PCDHGA2: variants seen among roughly 807,000 people sequenced by gnomAD.
PCDHGA2 encodes protocadherin gamma subfamily A, 2.
Under a neutral mutation model 59.2 loss-of-function variants are expected in PCDHGA2, and 40 were observed. That is an observed-to-expected ratio of 0.68 (90% CI 0.52 to 0.88). PCDHGA2 has a LOEUF of 0.88. Ranked by LOEUF, PCDHGA2 falls within the 40% of genes least tolerant of loss-of-function variation. PCDHGA2 has a pLI of 0.00. For synonymous variants in PCDHGA2, 560 were observed against 526.0 expected (o/e 1.06, Z -0.89); for missense variants, 1,226 against 1,204.0 (o/e 1.02, Z -0.27).
intron 1 of PCDHGA2, chr5:141,411,158 A>T (rs1384845652): frequency 6.6e-6 from 1 of 152,212 alleles, no homozygotes; most frequent in Admixed American, 6.5e-5. Context: ...TCAAGTTCTG[A>T]CTATCGAACA....
Position 141,339,474 on chromosome 5 carries a change from A to G in PCDHGA2, c.503A>G (p.Gln168Arg). 6.2e-7 allele frequency: 1 copy of G among 1,614,220 alleles called. No individual in the cohort carries two copies. Among genetic ancestry groups the G allele is most frequent in the Non-Finnish European group, 8.5e-7 (1 of 1,180,034 alleles). The stretch of plus-strand genomic sequence containing the variant: ...GCAGACGTAGGTGAGAACGCCCTTC[A>G]GAAGTACGCACTCAACCCAAATGAC... ...HDADVGENALQKYALNPNDHF... is the reference protein window; with the variant it reads ...HDADVGENALRKYALNPNDHF... Residue 168 changes from glutamine (Q) to arginine (R), a missense_variant, in exon 1 of 4, where the codon CAG becomes CGG. Gln to Arg is a conservative substitution (Grantham distance 43, BLOSUM62 1). Transcript: ENST00000394576.
At chr5:141,436,950 C>A (rs894702404) in intron 1 of PCDHGA2, among the ~76,000 whole-genome samples, 3 of 152,138 alleles carry the variant, frequency 2.0e-5, no homozygotes, top group African/African-American at 7.2e-5. Flanking sequence ...ATAGTGAAAT[C>A]TAAACAAGGA....
intron 1 of PCDHGA2, among the ~76,000 whole-genome samples, chr5:141,447,082 T>A (rs1259827606): frequency 6.6e-6 from 1 of 152,156 alleles, no homozygotes; most frequent in Non-Finnish European, 1.5e-5. Flanking sequence ...ATTTTTGTTG[T>A]TTAATTTTCT....
At chr5:141,504,995 G>A (rs1214858212) in intron 2 of PCDHGA2, among the ~76,000 whole-genome samples, 6 of 151,980 alleles carry the variant, frequency 3.9e-5, no homozygotes, top group African/African-American at 1.5e-4. Context: ...AACCCCGTCT[G>A]TACTAAAAAT....
intron 1 of PCDHGA2, among the ~76,000 whole-genome samples, chr5:141,481,309 T>C (rs577046585): frequency 2.6e-4 from 39 of 152,310 alleles, no homozygotes; most frequent in African/African-American, 9.1e-4. Context: ...GGAAAAACCT[T>C]CCTAAAGCAC....
intron 1 of PCDHGA2, among the ~76,000 whole-genome samples, chr5:141,460,951 G>GTATATA (rs200454978): frequency 7.2e-6 from 1 of 139,722 alleles, no homozygotes; most frequent in African/African-American, 2.8e-5. Flanking sequence ...TATGTATTAT[G>GTATATA]TATATATATA....
chr5:141,490,576 G>T lies in PCDHGA2; in HGVS notation c.2425-4231G>T. On this transcript the variant is annotated intron_variant, in intron 1 of 3. Transcript: ENST00000394576. The surrounding 1 kb of genome is among the most constrained non-coding windows in gnomAD (Gnocchi z 5.4). ...TCTCACCATCAGGCTCAACATTTCA[G>T]ATGTCAATGACAATGCACCCCGCTT... 2.5e-6 allele frequency: 4 copies of T among 1,614,134 alleles called. No homozygotes were observed. The highest frequency in any genetic ancestry group is 3.4e-6 in the Non-Finnish European group (4 of 1,180,030).
At chr5:141,497,553 T>C (rs2099777684) in intron 2 of PCDHGA2, among the ~76,000 whole-genome samples, 1 of 151,326 alleles carries the variant, frequency 6.6e-6, no homozygotes, top group South Asian at 2.1e-4. Context: ...TTTTTTTTTT[T>C]TTTTTAGACA....
At chr5:141,360,759 T>C in intron 1 of PCDHGA2, 1 of 1,613,928 alleles carries the variant, frequency 6.2e-7, no homozygotes, top group Non-Finnish European at 8.5e-7. Context: ...ACAGTTTACA[T>C]CAATTGGTCC....
In PCDHGA2 at chr5:141,431,213, TTCCC is replaced by T. The variant is rs1373533151; in HGVS notation, c.2425-63591_2425-63588del. 1 of 1,614,142 alleles carries T rather than the reference TTCCC, an allele frequency of 6.2e-7. No homozygotes were observed. Among genetic ancestry groups the T allele is most frequent in the Admixed American group, 1.7e-5 (1 of 60,020 alleles). On this transcript the variant is annotated intron_variant, in intron 1 of 3. Transcript: ENST00000394576. This position sits in a 1 kb window ranked among gnomAD's most constrained non-coding sequence, Gnocchi z 4.8. ...TGAAAATGCAGCCACTGAGATGCGGTTCCCTCTACCCCACGCCTGGGATCCGGAT... is the reference window on the plus strand; with the variant it reads ...TGAAAATGCAGCCACTGAGATGCGGTTCTACCCCACGCCTGGGATCCGGAT...
At chr5:141,494,355 G>T (rs910437011) in intron 1 of PCDHGA2, among the ~76,000 whole-genome samples, 4 of 152,234 alleles carry the variant, frequency 2.6e-5, no homozygotes, top group African/African-American at 9.6e-5. Flanking sequence ...CCATCTTGCT[G>T]CAGAGGATGC....
intron 1 of PCDHGA2, chr5:141,382,970 G>A (rs776231859): frequency 1.9e-6 from 3 of 1,609,444 alleles, no homozygotes; most frequent in Non-Finnish European, 2.5e-6. Context: ...GGGACCCCCT[G>A]GGAAGCCTGG....
intron 1 of PCDHGA2, chr5:141,393,009 A>T: frequency 6.2e-7 from 1 of 1,613,898 alleles, no homozygotes. Flanking sequence ...CGGAGTCCGT[A>T]TCGTCTCCAG....
At chr5:141,418,344 T>G (rs746519142) in intron 1 of PCDHGA2, 1 of 1,614,008 alleles carries the variant, frequency 6.2e-7, no homozygotes, top group Non-Finnish European at 8.5e-7. Context: ...GATCCTGATA[T>G]TAGTATGAAT....
Position 141,399,568 on chromosome 5 carries a change from G to A in PCDHGA2, c.2424+58173G>A, listed in dbSNP as rs776963716. ...CTCGGACCTGGACTTGGGGTTGAAC[G>A]GCCAAGTCTCCTACTCTATCATGGC... is the stretch of plus-strand genomic sequence containing the variant. On this transcript the variant is annotated intron_variant, in intron 1 of 3. Transcript: ENST00000394576. The A allele has an allele frequency of 3.1e-6, 5 of 1,613,926 alleles. No individual in the cohort carries two copies. The East Asian group carries it at 8.9e-5, about 29-fold the overall frequency.
intron 1 of PCDHGA2, chr5:141,362,297 C>T: frequency 1.2e-6 from 2 of 1,614,082 alleles, no homozygotes; most frequent in African/African-American, 1.3e-5. Flanking sequence ...TCTTCCAGGT[C>T]AGATGCTTGG....
rs2099388776 is a variant in PCDHGA2, at chr5:141,476,308, C to T, written c.2425-18499C>T. On this transcript the variant is annotated intron_variant, in intron 1 of 3. Coordinates refer to ENST00000394576, the MANE Select transcript of PCDHGA2 (RefSeq NM_018915.4). The surrounding 1 kb of genome is among the most constrained non-coding windows in gnomAD (Gnocchi z 7.6). ...TGGATCTCGGTAGCCTCTCAGCCCG[C>T]AGGTTCCGGGTGGTGTCTGGAGCTA... The T allele has an allele frequency of 1.2e-6, 2 of 1,613,750 alleles. No individual in the cohort carries two copies. The highest frequency in any genetic ancestry group is 2.7e-5 in the African/African-American group (2 of 74,806).
At chr5:141,375,922 G>A (rs1772046633) in intron 1 of PCDHGA2, 5 of 1,613,646 alleles carry the variant, frequency 3.1e-6, no homozygotes, top group Admixed American at 1.7e-5. Context: ...AGGCCAGCGA[G>A]CCAGGACTTT....
chr5:141,457,944 C>A (rs761151349), intron 1 of PCDHGA2, among the ~76,000 whole-genome samples: 33 of 152,310 alleles, frequency 2.2e-4, no homozygotes, highest in Non-Finnish European at 4.6e-4. Context: ...ATTGGCTCTG[C>A]ATGTCAAGCT....
Sources: gnomAD v4.1 joint callset for allele counts (sites outside exome capture counted in the v4.1 genomes callset) on GRCh38, gnomAD v4.1.1 for gene constraint, Gnocchi (gnomAD v3.1) non-coding constraint, MANE v1.5 for transcripts, NCBI Gene and HGNC (gene_info 2026-07-23, HGNC 2026-07-21) for gene names.